The following VAV3 variants were observed in gnomAD, a reference collection of about 807,000 sequenced individuals.
VAV3 encodes guanine nucleotide exchange factor VAV3.
In VAV3, 94 loss-of-function variants were observed where a neutral mutation model predicts 131.2. The ratio of observed to expected loss-of-function variants is 0.72; its 90% CI spans 0.61 to 0.85. The LOEUF (loss-of-function observed/expected upper bound fraction) is 0.85. Ranked by LOEUF, VAV3 falls within the 40% of genes least tolerant of loss-of-function variation. The pLI is 0.00. For synonymous variants in VAV3, 349 were observed against 342.0 expected (o/e 1.02, Z -0.22); for missense variants, 939 against 1,002.7 (o/e 0.94, Z 0.86).
intron 2 of VAV3, among the ~76,000 whole-genome samples, chr1:107,827,360 T>C (rs1488757429): frequency 6.6e-6 from 1 of 152,212 alleles, no homozygotes; most frequent in Non-Finnish European, 1.5e-5. Flanking sequence ...CTGTTCCTTG[T>C]ACTTCACATT....
chr1:107,780,494 T>C (rs1412487986), intron 2 of VAV3, among the ~76,000 whole-genome samples: 4 of 152,162 alleles, frequency 2.6e-5, no homozygotes, highest in Non-Finnish European at 5.9e-5. Context: ...ATCTAAAATG[T>C]ATTTTTCTCA....
intron 18 of VAV3, among the ~76,000 whole-genome samples, chr1:107,683,871 T>C (rs1229741687): frequency 6.6e-6 from 1 of 152,174 alleles, no homozygotes; most frequent in Non-Finnish European, 1.5e-5. Flanking sequence ...TTGGTTAGAA[T>C]ATGTTCCCAG....
intron 17 of VAV3, among the ~76,000 whole-genome samples, chr1:107,691,730 A>AG (rs1026318249): frequency 3.9e-5 from 6 of 152,076 alleles, no homozygotes; most frequent in African/African-American, 1.4e-4. Flanking sequence ...TGGGCCCTCA[A>AG]GGGGTTTATA....
intron 18 of VAV3, among the ~76,000 whole-genome samples, chr1:107,687,938 T>C (rs1419353498): frequency 2.6e-5 from 4 of 152,196 alleles, no homozygotes; most frequent in Non-Finnish European, 5.9e-5. Flanking sequence ...AATCATCATC[T>C]TTCTGCTCTA....
intron 8 of VAV3, 89 bp from the exon 9 acceptor site, chr1:107,765,264 AC>A (rs1298232958): frequency 1.9e-6 from 2 of 1,047,756 alleles, no homozygotes; most frequent in African/African-American, 3.2e-5. Flanking sequence ...TCTCTTTAAA[AC>A]CATTGTTAGG....
chr1:107,685,255 T>C (rs1362049791), intron 18 of VAV3, among the ~76,000 whole-genome samples: 2 of 152,176 alleles, frequency 1.3e-5, no homozygotes, highest in Non-Finnish European at 2.9e-5. Context: ...TCTAGAATAA[T>C]ACTCCCTAAG....
At chr1:107,868,275 C>A (rs1384964830) in intron 2 of VAV3, among the ~76,000 whole-genome samples, 14 of 152,152 alleles carry the variant, frequency 9.2e-5, no homozygotes. Context: ...AAGATTTACA[C>A]CCTAAAATAA....
At chr1:107,843,437 G>A (rs1283312881) in intron 2 of VAV3, among the ~76,000 whole-genome samples, 2 of 146,522 alleles carry the variant, frequency 1.4e-5, no homozygotes, top group African/African-American at 5.0e-5. Flanking sequence ...GCTCAAATTG[G>A]ATTTCTATCA....
At chr1:107,607,865 T>C (rs767332705) in intron 22 of VAV3, among the ~76,000 whole-genome samples, 1 of 152,238 alleles carries the variant, frequency 6.6e-6, no homozygotes, top group East Asian at 1.9e-4. Flanking sequence ...TAGTTGGTGA[T>C]ACTTAACTTC....
chr1:107,646,730 C>T (rs1041206633), intron 19 of VAV3, among the ~76,000 whole-genome samples: 1 of 151,940 alleles, frequency 6.6e-6, no homozygotes, highest in Non-Finnish European at 1.5e-5. Context: ...ATGCCCAAGT[C>T]AAACTTATGC....
chr1:107,932,019 C>T (rs17020387), intron 1 of VAV3, among the ~76,000 whole-genome samples: 14,427 of 152,234 alleles, frequency 0.095, 809 homozygotes, highest in African/African-American at 0.15. Flanking sequence ...CATAGCACAA[C>T]GATAGCTCTC....
At chr1:107,747,554 AATT>A (rs1445163909) in intron 15 of VAV3, among the ~76,000 whole-genome samples, 2 of 152,204 alleles carry the variant, frequency 1.3e-5, no homozygotes, top group Non-Finnish European at 2.9e-5. Context: ...TCCCAAATGC[AATT>A]ATTATTAATA....
At chr1:107,728,626 TA>T (rs1662017674) in intron 15 of VAV3, among the ~76,000 whole-genome samples, 1 of 149,084 alleles carries the variant, frequency 6.7e-6, no homozygotes, top group Non-Finnish European at 1.5e-5. Context: ...TATGTATATG[TA>T]TATGTATATG....
At chr1:107,821,719 G>A (rs1667800394) in intron 2 of VAV3, among the ~76,000 whole-genome samples, 2 of 152,212 alleles carry the variant, frequency 1.3e-5, no homozygotes, top group Non-Finnish European at 2.9e-5. Flanking sequence ...TGAACTGTTA[G>A]AGGATACTTT....
intron 17 of VAV3, among the ~76,000 whole-genome samples, chr1:107,700,604 C>T (rs955426834): frequency 2.0e-5 from 3 of 152,136 alleles, no homozygotes; most frequent in African/African-American, 7.2e-5. Flanking sequence ...CTTCCAGCTC[C>T]GTCCATGTCC....
intron 2 of VAV3, among the ~76,000 whole-genome samples, chr1:107,849,728 T>C (rs138784544): frequency 2.0e-5 from 3 of 152,126 alleles, no homozygotes; most frequent in Non-Finnish European, 4.4e-5. Context: ...ACACATGGGA[T>C]CTAATTAAAG....
intron 25 of VAV3, among the ~76,000 whole-genome samples, chr1:107,588,302 T>A (rs1372603995): frequency 2.6e-5 from 4 of 152,222 alleles, no homozygotes; most frequent in African/African-American, 9.6e-5. Flanking sequence ...CAATATGTTA[T>A]AACTAACTTA....
intron 1 of VAV3, among the ~76,000 whole-genome samples, chr1:107,905,421 T>C (rs1672056372): frequency 6.6e-6 from 1 of 152,164 alleles, no homozygotes; most frequent in African/African-American, 2.4e-5. Context: ...CTGACCAAAT[T>C]GGAAATCTCT....
intron 2 of VAV3, among the ~76,000 whole-genome samples, chr1:107,793,510 C>T (rs1208559637): frequency 6.6e-6 from 1 of 152,122 alleles, no homozygotes; most frequent in Non-Finnish European, 1.5e-5. Flanking sequence ...TCCGCAGCAC[C>T]TAGACCACCA....
Sources: gnomAD v4.1 joint callset for allele counts (sites outside exome capture counted in the v4.1 genomes callset) on GRCh38, gnomAD v4.1.1 for gene constraint, MANE v1.5 for transcripts, NCBI Gene and HGNC (gene_info 2026-07-23, HGNC 2026-07-21) for gene names.